The following ZBBX variants were observed in gnomAD, a reference collection of about 807,000 sequenced individuals.
ZBBX encodes the protein zinc finger B-box domain containing.
Under a neutral mutation model 108.5 loss-of-function variants are expected in ZBBX, and 101 were observed. That is an observed-to-expected ratio of 0.93 (90% CI 0.79 to 1.10). The LOEUF (loss-of-function observed/expected upper bound fraction) is 1.10, where lower values mean the gene tolerates loss of function less well. Ranked by LOEUF, ZBBX falls within the 50% of genes least tolerant of loss-of-function variation. The pLI is 0.00. For missense variants in ZBBX, 1,009 were observed against 941.4 expected, an observed-to-expected ratio of 1.07 and a Z score of -0.94; for synonymous variants, 356 against 323.4, an observed-to-expected ratio of 1.10 and a Z score of -1.08.
intron 9 of ZBBX, among the ~76,000 whole-genome samples, chr3:167,337,343 C>G (rs1211765134): frequency 6.6e-6 from 1 of 151,894 alleles, no homozygotes; most frequent in Non-Finnish European, 1.5e-5. Context: ...AATTGTGAAC[C>G]CCTATCCCTA....
intron 13 of ZBBX, 58 bp from the exon 14 acceptor site, chr3:167,317,163 C>A (rs1735607649): frequency 8.3e-7 from 1 of 1,200,274 alleles, no homozygotes; most frequent in Admixed American, 2.1e-5. Flanking sequence ...TTTATAATTT[C>A]TTCAAATAAG....
intron 1 of ZBBX, among the ~76,000 whole-genome samples, chr3:167,398,129 C>T (rs1748309125): frequency 6.6e-6 from 1 of 151,998 alleles, no homozygotes; most frequent in South Asian, 2.1e-4. Context: ...GCTGTTCAGT[C>T]AAGCAAGATT....
the ZBBX span, among the ~76,000 whole-genome samples, chr3:167,200,060 A>G: frequency 1.9e-4 from 29 of 152,212 alleles, no homozygotes; most frequent in South Asian, 5.8e-3. Context: ...CTGTCTTCAT[A>G]TGGCTCTGTG....
intron 3 of ZBBX, 85 bp from the exon 4 acceptor site, chr3:167,373,035 TG>T (rs777451410): frequency 4.4e-5 from 27 of 608,972 alleles, no homozygotes; most frequent in Admixed American, 7.2e-5. Flanking sequence ...AATTCAGGAA[TG>T]TTTTTAAAAC....
intron 1 of ZBBX, among the ~76,000 whole-genome samples, chr3:167,396,977 G>C (rs1329581102): frequency 6.6e-6 from 1 of 151,430 alleles, no homozygotes; most frequent in Non-Finnish European, 1.5e-5. Flanking sequence ...AAAGACCAGG[G>C]AGTAATGCCC....
intron 21 of ZBBX, among the ~76,000 whole-genome samples, chr3:167,241,705 C>T (rs992512624): frequency 6.6e-6 from 1 of 151,988 alleles, no homozygotes; most frequent in Non-Finnish European, 1.5e-5. Context: ...CATGTTGATA[C>T]CCTGTCTTAA....
intron 9 of ZBBX, among the ~76,000 whole-genome samples, chr3:167,347,647 C>T (rs758000709): frequency 8.6e-5 from 13 of 151,864 alleles, no homozygotes; most frequent in Non-Finnish European, 1.6e-4. Flanking sequence ...TTAGTAATTC[C>T]GTTAGGTGAA....
intron 4 of ZBBX, among the ~76,000 whole-genome samples, chr3:167,371,593 C>T (rs2108594009): frequency 6.6e-6 from 1 of 152,222 alleles, no homozygotes. Flanking sequence ...ATAGAAAATG[C>T]ACACTTAATT....
At chr3:167,295,148 T>C (rs754504610) in intron 18 of ZBBX, among the ~76,000 whole-genome samples, 60 of 152,250 alleles carry the variant, frequency 3.9e-4, no homozygotes, top group Middle Eastern at 3.4e-3. Context: ...TCCTCAAGGA[T>C]CTAGAACTAG....
chr3:167,332,290 A>AAACAC (rs1553821769), intron 10 of ZBBX, among the ~76,000 whole-genome samples: 1 of 148,756 alleles, frequency 6.7e-6, no homozygotes, highest in African/African-American at 2.5e-5. Flanking sequence ...CACACACACA[A>AAACAC]ACACACACAC....
chr3:167,222,034 C>T, the ZBBX span, among the ~76,000 whole-genome samples: 1 of 151,538 alleles, frequency 6.6e-6, no homozygotes, highest in African/African-American at 2.4e-5. Flanking sequence ...AAAATATGAT[C>T]CAGCAATCCC....
chr3:167,313,314 C>T (rs1244269257), intron 16 of ZBBX, among the ~76,000 whole-genome samples: 5 of 152,062 alleles, frequency 3.3e-5, no homozygotes, highest in South Asian at 2.1e-4. Context: ...TTGCTCTTGT[C>T]GCCTAGGCTG....
chr3:167,319,984 ATATG>A (rs1466296696), intron 12 of ZBBX, among the ~76,000 whole-genome samples: 1 of 151,590 alleles, frequency 6.6e-6, no homozygotes, highest in Non-Finnish European at 1.5e-5. Flanking sequence ...AAAAAAATTT[ATATG>A]TGTGTATGTG....
chr3:167,186,884 T>C, the ZBBX span, among the ~76,000 whole-genome samples: 1 of 152,194 alleles, frequency 6.6e-6, no homozygotes, highest in Admixed American at 6.5e-5. Flanking sequence ...TTGTTGCAGG[T>C]ATTAAAATGT....
At chr3:167,330,910 AGGC>A (rs1738439189) in intron 10 of ZBBX, among the ~76,000 whole-genome samples, 4 of 76,022 alleles carry the variant, frequency 5.3e-5, no homozygotes, top group Non-Finnish European at 8.9e-5. Context: ...GAAGAAGAAG[AGGC>A]ATCATATATC....
At chr3:167,400,170 G>A (rs543675711) in intron 1 of ZBBX, among the ~76,000 whole-genome samples, 2 of 152,030 alleles carry the variant, frequency 1.3e-5, no homozygotes, top group Non-Finnish European at 2.9e-5. Context: ...GAACATACAC[G>A]TGCATGTGTC....
Position 167,240,639 on chromosome 3 carries a change from T to G in ZBBX, c.*154A>C. 2.5e-6 allele frequency: 2 copies of G among 797,054 alleles called. No individual in the cohort carries two copies. Among genetic ancestry groups the G allele is most frequent in the Non-Finnish European group, 3.8e-6 (2 of 524,912 alleles). 49.4% of individuals were successfully genotyped at this position (797,054 alleles called of 1,614,324 possible). A position where few individuals can be genotyped will look rare whatever the true frequency, so the allele number is the denominator to read the frequency against. ...CATTGGAAGAATAAGCCCTTGAACT[T>G]ATAATTTTACTTTTATTAGTTTGTA... On this transcript the variant is annotated 3_prime_UTR_variant, in exon 22 of 22. Coordinates refer to ENST00000675490, the MANE Select transcript of ZBBX (RefSeq NM_001199201.2).
the ZBBX span, among the ~76,000 whole-genome samples, chr3:167,181,044 GT>G: frequency 2.6e-5 from 4 of 152,152 alleles, no homozygotes; most frequent in Non-Finnish European, 5.9e-5. Context: ...TCTTAAGTTA[GT>G]GGCTATTGTT....
chr3:167,261,676 C>T (rs1003351962), intron 20 of ZBBX, among the ~76,000 whole-genome samples: 4 of 151,716 alleles, frequency 2.6e-5, no homozygotes, highest in African/African-American at 9.7e-5. Context: ...CTCACTCCCA[C>T]CATGCCCCAC....
Sources: allele counts gnomAD v4.1 joint callset (sites outside exome capture counted in the v4.1 genomes callset), GRCh38; gene constraint gnomAD v4.1.1; transcripts MANE v1.5; gene names NCBI Gene and HGNC (gene_info 2026-07-23, HGNC 2026-07-21).